Variants in RCL1 observed in about 807,000 individuals in gnomAD.
RCL1 encodes the protein RNA terminal phosphate cyclase like 1.
Under a neutral mutation model 42.4 loss-of-function variants are expected in RCL1, and 24 were observed. That is an observed-to-expected ratio of 0.57 (90% confidence interval 0.41 to 0.80). The LOEUF (loss-of-function observed/expected upper bound fraction) is 0.80, where lower values mean the gene tolerates loss of function less well. Ranked by LOEUF, RCL1 falls within the 30% of genes least tolerant of loss-of-function variation. The pLI, the probability that RCL1 is intolerant of heterozygous loss-of-function variation, is 0.00. For synonymous variants in RCL1, 228 were observed against 177.3 expected, an observed-to-expected ratio of 1.29 and a Z score of -2.27; for missense variants, 578 against 467.9, an observed-to-expected ratio of 1.24 and a Z score of -2.17.
intron 7 of RCL1, among the ~76,000 whole-genome samples, chr9:4,848,716 A>G (rs760218845): frequency 1.1e-4 from 17 of 152,208 alleles, no homozygotes; most frequent in African/African-American, 2.9e-4. Flanking sequence ...AAAATGAAAA[A>G]CAAAAGAAGA....
intron 8 of RCL1, among the ~76,000 whole-genome samples, chr9:4,858,885 C>G (rs1164523602): frequency 2.6e-5 from 4 of 152,112 alleles, no homozygotes; most frequent in African/African-American, 9.7e-5. Flanking sequence ...CTAACCTTGC[C>G]CAATGAGACT....
intron 8 of RCL1, among the ~76,000 whole-genome samples, chr9:4,855,361 G>A (rs867338435): frequency 2.7e-4 from 8 of 29,678 alleles, no homozygotes; most frequent in Middle Eastern, 6.9e-3. Context: ...GTGAGCGGTG[G>A]GTCTCTTTGC....
Position 4,860,466 on chromosome 9 carries a change from A to C in RCL1, c.*191A>C. 1.6e-6 allele frequency: 1 copy of C among 624,296 alleles called. No individual in the cohort carries two copies. Among genetic ancestry groups the C allele is most frequent in the Non-Finnish European group, 2.5e-6 (1 of 393,160 alleles). 38.7% of individuals were successfully genotyped at this position (624,296 alleles called of 1,614,324 possible). On this transcript the variant is annotated 3_prime_UTR_variant, in exon 9 of 9. Transcript: ENST00000381750. ...GGTTTCCAGCTGTTTCTCCAGTGGC[A>C]TTGCCATTGCCCAGGAGGGGCCCAG...
chr9:4,825,190 A>T (rs147667423), intron 2 of RCL1, among the ~76,000 whole-genome samples: 16 of 151,790 alleles, frequency 1.1e-4, no homozygotes, highest in African/African-American at 3.6e-4. Context: ...GCCCAAGTCT[A>T]TTCTTTTCTA....
At chr9:4,808,019 G>T (rs1219990878) in intron 1 of RCL1, among the ~76,000 whole-genome samples, 1 of 152,116 alleles carries the variant, frequency 6.6e-6, no homozygotes, top group Non-Finnish European at 1.5e-5. Context: ...ACAAATATAT[G>T]TTCTTCTCTT....
At chr9:4,799,102 C>T (rs1247139864) in intron 1 of RCL1, among the ~76,000 whole-genome samples, 30 of 122,166 alleles carry the variant, frequency 2.5e-4, no homozygotes, top group Admixed American at 1.1e-3. Context: ...CCTTCCTCTC[C>T]TTCCTCTTTT....
chr9:4,843,645 T>A (rs1369491640), intron 6 of RCL1, among the ~76,000 whole-genome samples: 3 of 152,188 alleles, frequency 2.0e-5, no homozygotes, highest in Admixed American at 2.0e-4. Flanking sequence ...ATAAAGTTTA[T>A]CGTAATGACA....
chr9:4,860,017 C>A, intron 8 of RCL1, 108 bp from the exon 9 acceptor site: 1 of 700,548 alleles, frequency 1.4e-6, no homozygotes, highest in African/African-American at 1.8e-5. Context: ...GTCTTAACTT[C>A]AGCCCTCTAG....
Position 4,854,218 on chromosome 9 carries a change from C to T in RCL1, c.971+4668C>T, listed in dbSNP as rs1490748323. ...CTGGGCCTGGGACCCCATCTCCTGA[C>T]AGTGCAGCTAGCCTAGTTCTCTGTT... On this transcript the variant is annotated intron_variant, in intron 8 of 8. Transcript: ENST00000381750. Among the ~76,000 whole-genome samples, 4 of 152,318 alleles carry T rather than the reference C, an allele frequency of 2.6e-5. No individual in the cohort carries two copies. In the East Asian group the frequency reaches 7.7e-4, roughly 29 times the overall value.
At chr9:4,827,788 GAGAGATT>G (rs1816815581) in intron 3 of RCL1, among the ~76,000 whole-genome samples, 1 of 151,812 alleles carries the variant, frequency 6.6e-6, no homozygotes, top group South Asian at 2.1e-4. Flanking sequence ...GTGAGAGAGA[GAGAGATT>G]AGAGAAGTCT....
intron 8 of RCL1, among the ~76,000 whole-genome samples, chr9:4,850,684 C>T (rs549523797): frequency 9.2e-5 from 14 of 151,940 alleles, no homozygotes; most frequent in Admixed American, 6.6e-4. Flanking sequence ...TCCTAAATGG[C>T]GTGGTAACAT....
chr9:4,822,502 CCT>C (rs1816627396), intron 1 of RCL1, among the ~76,000 whole-genome samples: 1 of 152,082 alleles, frequency 6.6e-6, no homozygotes, highest in Non-Finnish European at 1.5e-5. Flanking sequence ...TTCCTCTCCC[CCT>C]CTCTTTCTCT....
At chr9:4,832,805 CAAAAAA>C (rs34915834) in intron 3 of RCL1, among the ~76,000 whole-genome samples, 6 of 39,314 alleles carry the variant, frequency 1.5e-4, no homozygotes, top group South Asian at 1.3e-3. Flanking sequence ...AGATTCCACT[CAAAAAA>C]AAAAAAAAAA....
intron 1 of RCL1, among the ~76,000 whole-genome samples, chr9:4,814,366 C>G (rs1816296465): frequency 1.3e-5 from 2 of 152,030 alleles, no homozygotes; most frequent in Admixed American, 6.6e-5. Flanking sequence ...TTACTGCAAC[C>G]TTGAACTCCT....
intron 8 of RCL1, among the ~76,000 whole-genome samples, chr9:4,851,414 A>G (rs1350144170): frequency 3.9e-5 from 6 of 152,286 alleles, no homozygotes; most frequent in Non-Finnish European, 7.4e-5. Context: ...AAGGGAGTCT[A>G]TTTTCAAGAA....
intron 8 of RCL1, among the ~76,000 whole-genome samples, chr9:4,859,119 G>A (rs780742801): frequency 6.6e-6 from 1 of 152,170 alleles, no homozygotes; most frequent in African/African-American, 2.4e-5. Flanking sequence ...CTGGGGTGAC[G>A]CTAGGTCTGC....
chr9:4,802,134 A>C (rs1366682635), intron 1 of RCL1, among the ~76,000 whole-genome samples: 3 of 132,058 alleles, frequency 2.3e-5, no homozygotes, highest in Non-Finnish European at 4.6e-5. Context: ...CATGTTGGCC[A>C]GGCTGGTCTC....
At chr9:4,844,757 T>G in intron 7 of RCL1, 76 bp downstream of exon 7, 1 of 1,464,570 alleles carries the variant, frequency 6.8e-7, no homozygotes, top group Non-Finnish European at 9.3e-7. Context: ...CTTGGCAGCT[T>G]TCGTCCTCTT....
chr9:4,836,094 G>T (rs76019518), intron 5 of RCL1, among the ~76,000 whole-genome samples: 4,341 of 152,246 alleles, frequency 0.029, 150 homozygotes, highest in African/African-American at 0.083. Context: ...GCCTTCACAG[G>T]GGAGCATCAT....
Sources: gnomAD v4.1 joint callset for allele counts (sites outside exome capture counted in the v4.1 genomes callset) on GRCh38, gnomAD v4.1.1 for gene constraint, MANE v1.5 for transcripts, NCBI Gene and HGNC (gene_info 2026-07-23, HGNC 2026-07-21) for gene names.